Variants in NTM observed in about 807,000 individuals in gnomAD.
NTM encodes IgLON family member 2.
NTM carries 13 observed loss-of-function variants against 42.1 expected under a neutral mutation model. The observed-to-expected ratio is 0.31, with a 90% CI of 0.20 to 0.49. The LOEUF (loss-of-function observed/expected upper bound fraction) is 0.49. Ranked by LOEUF, NTM falls within the 20% of genes least tolerant of loss-of-function variation. The pLI is 0.99. For missense variants in NTM, 373 were observed against 452.8 expected (o/e 0.82, Z 1.60); for synonymous variants, 187 against 179.2 (o/e 1.04, Z -0.35).
intron 1 of NTM, among the ~76,000 whole-genome samples, chr11:131,821,436 C>A (rs1203509219): frequency 6.6e-6 from 1 of 152,214 alleles, no homozygotes; most frequent in Non-Finnish European, 1.5e-5. Flanking sequence ...GTTGCTTCAG[C>A]AAGTCGGTGG....
At chr11:132,169,070 A>G (rs576565331) in intron 3 of NTM, among the ~76,000 whole-genome samples, 1 of 152,120 alleles carries the variant, frequency 6.6e-6, no homozygotes, top group South Asian at 2.1e-4. Flanking sequence ...TTTGGTTTCT[A>G]ATATTCCTAG....
chr11:131,394,945 TTGCAG>T (rs1462690086), intron 1 of NTM, among the ~76,000 whole-genome samples: 1 of 152,212 alleles, frequency 6.6e-6, no homozygotes, highest in Non-Finnish European at 1.5e-5. Flanking sequence ...CTCATGGTGC[TTGCAG>T]TCTATCCAGT....
intron 2 of NTM, among the ~76,000 whole-genome samples, chr11:132,034,371 G>C (rs1477595339): frequency 6.6e-6 from 1 of 152,226 alleles, no homozygotes; most frequent in African/African-American, 2.4e-5. Flanking sequence ...ACCCGTCTCA[G>C]GGGTGTCCTG....
chr11:132,246,688 G>A (rs943556280), intron 4 of NTM, among the ~76,000 whole-genome samples: 26 of 152,224 alleles, frequency 1.7e-4, no homozygotes, highest in African/African-American at 6.3e-4. Context: ...TATTAAAGTG[G>A]TAGAAGAAGA....
At chr11:131,547,108 T>C (rs1324088291) in intron 1 of NTM, among the ~76,000 whole-genome samples, 4 of 152,332 alleles carry the variant, frequency 2.6e-5, no homozygotes, top group South Asian at 2.1e-4. Flanking sequence ...CAGAATTTTA[T>C]TGATGTTATT....
intron 1 of NTM, among the ~76,000 whole-genome samples, chr11:131,768,872 C>T (rs992984032): frequency 6.6e-6 from 1 of 152,184 alleles, no homozygotes; most frequent in Admixed American, 6.5e-5. Context: ...GAGTCCAGGC[C>T]AGTGTAGACT....
intron 1 of NTM, among the ~76,000 whole-genome samples, chr11:131,409,338 C>G (rs145408268): frequency 3.3e-5 from 5 of 152,204 alleles, no homozygotes; most frequent in African/African-American, 1.2e-4. Context: ...TGAGAGCCCC[C>G]ATCTGGGCTA....
At chr11:131,961,679 T>C (rs2062187609) in intron 2 of NTM, among the ~76,000 whole-genome samples, 1 of 152,150 alleles carries the variant, frequency 6.6e-6, no homozygotes, top group African/African-American at 2.4e-5. Flanking sequence ...AGCAGCACTG[T>C]ATCCTGCAAG....
intron 1 of NTM, among the ~76,000 whole-genome samples, chr11:131,420,387 G>A (rs894939239): frequency 5.3e-5 from 8 of 152,310 alleles, no homozygotes; most frequent in Middle Eastern, 3.4e-3. Context: ...GAACCTGCAG[G>A]TAGAACCAGC....
chr11:131,756,428 G>A (rs533966494), intron 1 of NTM, among the ~76,000 whole-genome samples: 18 of 151,964 alleles, frequency 1.2e-4, no homozygotes, highest in Non-Finnish European at 2.4e-4. Flanking sequence ...GGAGGCTGAG[G>A]CAGGTCAATT....
chr11:132,051,254 T>G (rs888679021), intron 2 of NTM, among the ~76,000 whole-genome samples: 4 of 152,178 alleles, frequency 2.6e-5, no homozygotes, highest in African/African-American at 9.7e-5. Flanking sequence ...TTCACAGATA[T>G]TAGCTCATTT....
intron 1 of NTM, among the ~76,000 whole-genome samples, chr11:131,844,416 C>T (rs960765280): frequency 7.2e-5 from 11 of 152,078 alleles, no homozygotes; most frequent in Non-Finnish European, 1.5e-4. Context: ...TAGGATGAGT[C>T]CCCCCATCCT....
intron 1 of NTM, among the ~76,000 whole-genome samples, chr11:131,509,789 A>G (rs575974878): frequency 1.3e-5 from 2 of 152,226 alleles, no homozygotes; most frequent in Non-Finnish European, 2.9e-5. Context: ...ATAGAGCTCA[A>G]AGAGGTAAAG....
At chr11:131,720,483 T>C (rs190634388) in intron 1 of NTM, among the ~76,000 whole-genome samples, 162 of 152,272 alleles carry the variant, frequency 1.1e-3, no homozygotes, top group African/African-American at 3.5e-3. Context: ...AAGTCATCCA[T>C]TTTTCCATTC....
chr11:131,603,717 G>A (rs537980741), intron 1 of NTM, among the ~76,000 whole-genome samples: 31 of 152,266 alleles, frequency 2.0e-4, no homozygotes, highest in Admixed American at 5.9e-4. Flanking sequence ...CTGGGCAACC[G>A]TTAATCTGCT....
At chr11:131,953,080 C>T (rs573656068) in intron 2 of NTM, among the ~76,000 whole-genome samples, 27 of 152,156 alleles carry the variant, frequency 1.8e-4, no homozygotes, top group Non-Finnish European at 3.5e-4. Context: ...AGGTAGAAAG[C>T]GCCGTGTTCA....
At chr11:131,833,939 T>C (rs2043150622) in intron 1 of NTM, among the ~76,000 whole-genome samples, 1 of 152,242 alleles carries the variant, frequency 6.6e-6, no homozygotes. Flanking sequence ...AAATTCTACT[T>C]GCTCTTCTCC....
intron 2 of NTM, among the ~76,000 whole-genome samples, chr11:131,954,824 C>G (rs141133779): frequency 6.6e-6 from 1 of 152,214 alleles, no homozygotes; most frequent in African/African-American, 2.4e-5. Flanking sequence ...AAAATGAATT[C>G]AATCTTTTGT....
chr11:131,789,635 A>AAAGAAGAAG (rs2090464611), intron 1 of NTM, among the ~76,000 whole-genome samples: 3 of 37,906 alleles, frequency 7.9e-5, no homozygotes, highest in African/African-American at 2.8e-4. Flanking sequence ...GAAGAAGAAG[A>AAAGAAGAAG]AAAGAAGAAG....
Sources: gnomAD v4.1 joint callset for allele counts (sites outside exome capture counted in the v4.1 genomes callset) on GRCh38, gnomAD v4.1.1 for gene constraint, MANE v1.5 for transcripts, NCBI Gene and HGNC (gene_info 2026-07-23, HGNC 2026-07-21) for gene names.